CHRNA7: variants seen among roughly 807,000 people sequenced by gnomAD.
CHRNA7 encodes the protein cholinergic receptor nicotinic alpha 7 subunit.
A neutral mutation model predicts 48.0 loss-of-function variants in CHRNA7; 17 were observed. The ratio of observed to expected loss-of-function variants is 0.35; its 90% CI spans 0.24 to 0.53. CHRNA7 has a LOEUF of 0.53. Among genes scored for constraint, CHRNA7 ranks in the 20% least tolerant of loss-of-function variants. CHRNA7 has a pLI of 0.92. For synonymous variants in CHRNA7, 75 were observed against 242.3 expected (o/e 0.31, Z 6.41); for missense variants, 155 against 577.7 (o/e 0.27, Z 7.50).
At chr15:32,081,451 C>T (rs2050214196) in intron 2 of CHRNA7, among the ~76,000 whole-genome samples, 1 of 151,906 alleles carries the variant, frequency 6.6e-6, no homozygotes. Context: ...GCTATTTGAA[C>T]ATTTTTAAGA....
rs1477495854 is a variant in CHRNA7, at chr15:32,112,143, A to G, written c.350+244A>G. On this transcript the variant is annotated intron_variant, in intron 4 of 9. Transcript: ENST00000306901. ...AGCCTGCTACTTAAGACGCCCATGA[A>G]GTTGTATGTTCTCGGGGCCTAGTGT... The G allele has an allele frequency of 8.1e-6, 5 of 620,892 alleles. No individual in the cohort carries two copies. The East Asian group carries it at 1.2e-4, about 15-fold the overall frequency. 38.5% of individuals were successfully genotyped at this position (620,892 alleles called of 1,614,324 possible).
intron 2 of CHRNA7, among the ~76,000 whole-genome samples, chr15:32,069,612 A>G (rs2050021872): frequency 6.6e-6 from 1 of 152,226 alleles, no homozygotes; most frequent in Non-Finnish European, 1.5e-5. Context: ...ATACCACTGC[A>G]CTCCAGCCTG....
Position 32,030,548 on chromosome 15 carries a change from A to T in CHRNA7, c.-47A>T. 7.0e-7 allele frequency: 1 copy of T among 1,426,270 alleles called. No individual in the cohort carries two copies. Among genetic ancestry groups the T allele is most frequent in the Middle Eastern group, 2.5e-4 (1 of 4,036 alleles). The allele number at this position is 1,426,270 out of a possible 1,614,324, so 88.4% of individuals were successfully genotyped here. Reference sequence around the variant, plus strand: ...GGCCGCAGGCGCAGGCCCGGGCGACAGCCGAGACGTGGAGCGCGCCGGCTC... The same window carrying T: ...GGCCGCAGGCGCAGGCCCGGGCGACTGCCGAGACGTGGAGCGCGCCGGCTC... On this transcript the variant is annotated 5_prime_UTR_variant, in exon 1 of 10. Transcript: ENST00000306901.
At chr15:32,078,255 C>T (rs968587625) in intron 2 of CHRNA7, among the ~76,000 whole-genome samples, 7 of 152,032 alleles carry the variant, frequency 4.6e-5, no homozygotes, top group African/African-American at 7.2e-5. Flanking sequence ...TTCTTTCTTT[C>T]GTAGATCATC....
At position 32,098,393 on chromosome 15, in the gene CHRNA7, T is replaced by C. The variant is rs532324545; in HGVS notation, c.196-2910T>C. 5.9e-5 allele frequency among the ~76,000 whole-genome samples: 9 copies of C among 152,232 alleles called. No homozygotes were observed. In the East Asian group the frequency reaches 9.7e-4, roughly 16 times the overall value. On this transcript the variant is annotated intron_variant, in intron 2 of 9. Coordinates refer to ENST00000306901, the MANE Select transcript of CHRNA7 (RefSeq NM_000746.6). ...TTCTTGCCAGCCGGTCAAGGTCTTA[T>C]AGGAGAAGACACGGCACCTGCAGAC...
At chr15:32,125,025 C>T (rs1003943800) in intron 4 of CHRNA7, among the ~76,000 whole-genome samples, 1 of 152,198 alleles carries the variant, frequency 6.6e-6, no homozygotes, top group Non-Finnish European at 1.5e-5. Flanking sequence ...GCTATCACTG[C>T]TTTCAACTGC....
chr15:32,069,538 T>G (rs1158095128), intron 2 of CHRNA7, among the ~76,000 whole-genome samples: 1 of 152,138 alleles, frequency 6.6e-6, no homozygotes, highest in Non-Finnish European at 1.5e-5. Flanking sequence ...TCCCAACTCC[T>G]CAGGAGGCTG....
chr15:32,086,027 A>G (rs114673305), intron 2 of CHRNA7, among the ~76,000 whole-genome samples: 1 of 152,196 alleles, frequency 6.6e-6, no homozygotes, highest in Non-Finnish European at 1.5e-5. Flanking sequence ...TTATAAATAA[A>G]CATATTATAA....
At chr15:32,097,436 C>T (rs1241448944) in intron 2 of CHRNA7, among the ~76,000 whole-genome samples, 1 of 152,082 alleles carries the variant, frequency 6.6e-6, no homozygotes, top group African/African-American at 2.4e-5. Context: ...TACAAGGCCC[C>T]AGAGACCTCC....
At chr15:32,030,772 G>A (rs946802072) in intron 1 of CHRNA7, 123 bp downstream of exon 1, 30 of 1,503,766 alleles carry the variant, frequency 2.0e-5, no homozygotes, top group Non-Finnish European at 2.6e-5. Flanking sequence ...AGGGGCAGCG[G>A]GGGCGCTGCG....
intron 4 of CHRNA7, among the ~76,000 whole-genome samples, chr15:32,112,945 A>G (rs533259710): frequency 6.6e-6 from 1 of 152,236 alleles, no homozygotes. Context: ...CTGCTTCTCA[A>G]ATTAGTTCAG....
At chr15:32,114,047 T>C (rs1208010987) in intron 4 of CHRNA7, among the ~76,000 whole-genome samples, 2 of 49,278 alleles carry the variant, frequency 4.1e-5, no homozygotes, top group South Asian at 1.4e-3. Flanking sequence ...TATATATGTA[T>C]ATATATATAT....
intron 4 of CHRNA7, among the ~76,000 whole-genome samples, chr15:32,151,218 C>T (rs1034356268): frequency 2.0e-5 from 3 of 152,152 alleles, no homozygotes; most frequent in Non-Finnish European, 4.4e-5. Context: ...TATATCTCCT[C>T]TTTCTTGCTC....
chr15:32,060,392 G>A (rs1370590078), intron 2 of CHRNA7, among the ~76,000 whole-genome samples: 2 of 152,172 alleles, frequency 1.3e-5, no homozygotes, highest in African/African-American at 4.8e-5. Flanking sequence ...ATTTATGAAG[G>A]CATATATAGA....
chr15:32,109,714 C>G (rs1051265599), intron 3 of CHRNA7, among the ~76,000 whole-genome samples: 1 of 152,170 alleles, frequency 6.6e-6, no homozygotes, highest in Non-Finnish European at 1.5e-5. Flanking sequence ...CCCTGGCGTC[C>G]TCTTGTAAAT....
chr15:32,116,529 C>T lies in CHRNA7; in HGVS notation c.350+4630C>T, dbSNP rs966916827. Among the ~76,000 whole-genome samples the T allele has an allele frequency of 3.3e-5, 5 of 152,182 alleles. No individual in the cohort carries two copies. The South Asian group carries it at 8.3e-4, about 25-fold the overall frequency. ...TTTATTTTGCTTTACTTTAAGCCTG[C>T]GGCTCAAGGAGTTTTCTGAACACCA... On this transcript the variant is annotated intron_variant, in intron 4 of 9. Coordinates refer to ENST00000306901, the MANE Select transcript of CHRNA7 (RefSeq NM_000746.6).
At chr15:32,116,515 T>G (rs1420132445) in intron 4 of CHRNA7, among the ~76,000 whole-genome samples, 1 of 152,242 alleles carries the variant, frequency 6.6e-6, no homozygotes, top group Non-Finnish European at 1.5e-5. Context: ...TTATTTTGCT[T>G]TACTTTAAGC....
chr15:32,040,012 C>T (rs1259656029), intron 2 of CHRNA7, among the ~76,000 whole-genome samples: 5 of 151,794 alleles, frequency 3.3e-5, no homozygotes, highest in Non-Finnish European at 7.4e-5. Flanking sequence ...CTTTTTTATC[C>T]CTGGAAACTT....
At chr15:32,112,530 A>G (rs1269712031) in intron 4 of CHRNA7, among the ~76,000 whole-genome samples, 1 of 152,254 alleles carries the variant, frequency 6.6e-6, no homozygotes, top group Non-Finnish European at 1.5e-5. Context: ...TTATTCAGGC[A>G]GGGTAAGTTT....
Sources: gnomAD v4.1 joint callset for allele counts (sites outside exome capture counted in the v4.1 genomes callset) on GRCh38, gnomAD v4.1.1 for gene constraint, MANE v1.5 for transcripts, NCBI Gene and HGNC (gene_info 2026-07-23, HGNC 2026-07-21) for gene names.